TFDP2: variants seen among roughly 807,000 people sequenced by gnomAD.
TFDP2 encodes the protein transcription factor Dp-2.
A neutral mutation model predicts 59.3 loss-of-function variants in TFDP2; 17 were observed. That is an observed-to-expected ratio of 0.29 (90% CI 0.20 to 0.43). TFDP2 has a LOEUF of 0.43. Among genes scored for constraint, TFDP2 ranks in the 20% least tolerant of loss-of-function variants. The pLI, the probability that TFDP2 is intolerant of heterozygous loss-of-function variation, is 1.00. For synonymous variants in TFDP2, 180 were observed against 194.7 expected (o/e 0.92, Z 0.63); for missense variants, 391 against 528.8 (o/e 0.74, Z 2.56).
chr3:142,126,945 CAA>C (rs780512383), intron 1 of TFDP2, among the ~76,000 whole-genome samples: 7 of 55,384 alleles, frequency 1.3e-4, no homozygotes, highest in Non-Finnish European at 1.9e-4. Flanking sequence ...GACCTTGTCT[CAA>C]AAAAAAAAAA....
intron 6 of TFDP2, 86 bp from the exon 7 acceptor site, chr3:141,978,768 G>A: frequency 2.0e-6 from 2 of 1,013,958 alleles, no homozygotes; most frequent in Non-Finnish European, 1.3e-6. Context: ...CAAGAAGACA[G>A]TAATTTAAGT....
At chr3:142,111,406 C>T (rs537455327) in intron 1 of TFDP2, among the ~76,000 whole-genome samples, 3 of 138,492 alleles carry the variant, frequency 2.2e-5, no homozygotes, top group Non-Finnish European at 3.0e-5. Context: ...CCGGCCTGGC[C>T]GACAGAGTTA....
At chr3:142,135,246 T>C (rs2062680663) in intron 1 of TFDP2, among the ~76,000 whole-genome samples, 1 of 152,050 alleles carries the variant, frequency 6.6e-6, no homozygotes, top group African/African-American at 2.4e-5. Context: ...GCTGGGACTA[T>C]AGGCTGTGCC....
intron 3 of TFDP2, among the ~76,000 whole-genome samples, chr3:142,062,401 A>ATATATATATG (rs1452927187): frequency 6.9e-6 from 1 of 144,006 alleles, no homozygotes; most frequent in African/African-American, 2.6e-5. Context: ...TATAATATAT[A>ATATATATATG]TGTGTGTGTG....
At position 141,999,407 on chromosome 3, in the gene TFDP2, C is replaced by T. The variant is rs187202684; in HGVS notation, c.187-4266G>A. Among the ~76,000 whole-genome samples, 160 of 152,234 alleles carry T rather than the reference C, an allele frequency of 1.1e-3. 3 individuals are homozygous for T. The East Asian group carries it at 0.03, about 28-fold the overall frequency. ...GTCAATAATAAGGTATTAATAGTTACATTTTGGGGGAGTCAAAAGCTACCC... is the reference window on the plus strand; with the variant it reads ...GTCAATAATAAGGTATTAATAGTTATATTTTGGGGGAGTCAAAAGCTACCC... On this transcript the variant is annotated intron_variant, in intron 4 of 12. Transcript: ENST00000489671.
chr3:141,997,041 C>G (rs996224138), intron 4 of TFDP2, among the ~76,000 whole-genome samples: 20 of 152,156 alleles, frequency 1.3e-4, no homozygotes, highest in Non-Finnish European at 2.5e-4. Flanking sequence ...TCCAAGTATG[C>G]TTGCACTTCC....
At chr3:142,067,459 A>C (rs575764322) in intron 3 of TFDP2, among the ~76,000 whole-genome samples, 3 of 151,992 alleles carry the variant, frequency 2.0e-5, no homozygotes, top group Non-Finnish European at 4.4e-5. Context: ...AAACTCTGAT[A>C]AAAGAAATCA....
At chr3:142,097,798 T>C (rs2061207148) in intron 2 of TFDP2, among the ~76,000 whole-genome samples, 1 of 152,158 alleles carries the variant, frequency 6.6e-6, no homozygotes, top group African/African-American at 2.4e-5. Context: ...CTCATGTCCA[T>C]AAACCCAGCA....
chr3:142,042,165 T>C (rs1236894478), intron 3 of TFDP2, among the ~76,000 whole-genome samples: 1 of 152,230 alleles, frequency 6.6e-6, no homozygotes, highest in African/African-American at 2.4e-5. Flanking sequence ...TCATTTTTAT[T>C]CTAATTACTA....
chr3:142,073,396 G>T (rs1354737714), intron 3 of TFDP2, among the ~76,000 whole-genome samples: 1 of 129,466 alleles, frequency 7.7e-6, no homozygotes, highest in Non-Finnish European at 1.6e-5. Context: ...AAATGAAAAG[G>T]TTATTAAGAA....
intron 6 of TFDP2, among the ~76,000 whole-genome samples, chr3:141,986,073 C>T (rs996910986): frequency 4.6e-5 from 7 of 152,188 alleles, no homozygotes; most frequent in African/African-American, 1.4e-4. Flanking sequence ...CAAAGAGTAA[C>T]TGTATGACCC....
At chr3:141,987,265 TTGTGTGTGTGTGTGTG>T (rs56988461) in intron 6 of TFDP2, among the ~76,000 whole-genome samples, 3 of 132,814 alleles carry the variant, frequency 2.3e-5, no homozygotes, top group African/African-American at 7.7e-5. Context: ...GCTGTCAGAT[TTGTGTGTGTGTGTGTG>T]TGTGTGTGTG....
At chr3:141,984,648 G>C (rs1021286595) in intron 6 of TFDP2, among the ~76,000 whole-genome samples, 6 of 152,124 alleles carry the variant, frequency 3.9e-5, no homozygotes, top group African/African-American at 9.7e-5. Flanking sequence ...TGATGAAAAA[G>C]TTCTCAAGAT....
chr3:141,951,016 A>G lies in TFDP2; in HGVS notation c.*1497T>C, dbSNP rs1038931900. Reference sequence around the variant, plus strand: ...AAGCTTCCTCCTCCTCACCATGCTCAGTGTTAGCATGGTGGTGAGGCTATA... The same window carrying G: ...AAGCTTCCTCCTCCTCACCATGCTCGGTGTTAGCATGGTGGTGAGGCTATA... On this transcript the variant is annotated 3_prime_UTR_variant, in exon 13 of 13. Transcript: ENST00000489671. 6.6e-6 allele frequency: 1 copy of G among 152,186 alleles called. No individual in the cohort carries two copies. The highest frequency in any genetic ancestry group is 1.5e-5 in the Non-Finnish European group (1 of 68,030). 9.4% of individuals were successfully genotyped at this position (152,186 alleles called of 1,614,324 possible).
intron 1 of TFDP2, among the ~76,000 whole-genome samples, chr3:142,110,344 A>G (rs1190985861): frequency 2.0e-5 from 3 of 152,114 alleles, no homozygotes; most frequent in African/African-American, 7.2e-5. Context: ...TCTCTACTAA[A>G]AATACAAAAA....
intron 4 of TFDP2, among the ~76,000 whole-genome samples, chr3:142,002,737 CA>C (rs1159398072): frequency 1.3e-5 from 2 of 152,156 alleles, no homozygotes; most frequent in Non-Finnish European, 2.9e-5. Flanking sequence ...TATCCAGTTC[CA>C]AAGCCACTTC....
At chr3:142,034,622 T>C (rs1477034899) in intron 3 of TFDP2, among the ~76,000 whole-genome samples, 51 of 152,128 alleles carry the variant, frequency 3.4e-4, no homozygotes, top group Non-Finnish European at 2.9e-5. Flanking sequence ...ATAAATCTAA[T>C]AATGTGTGCT....
chr3:141,972,933 A>G (rs1349040302), intron 8 of TFDP2, among the ~76,000 whole-genome samples: 1 of 151,820 alleles, frequency 6.6e-6, no homozygotes, highest in East Asian at 1.9e-4. Context: ...GAAAAGGAGG[A>G]TATTTCCACT....
chr3:141,989,810 G>C (rs769965792), intron 6 of TFDP2, among the ~76,000 whole-genome samples: 3 of 151,724 alleles, frequency 2.0e-5, no homozygotes, highest in South Asian at 4.2e-4. Flanking sequence ...AATAACACTA[G>C]CTTTCATTTT....
Sources: gnomAD v4.1 joint callset for allele counts (sites outside exome capture counted in the v4.1 genomes callset) on GRCh38, gnomAD v4.1.1 for gene constraint, MANE v1.5 for transcripts, NCBI Gene and HGNC (gene_info 2026-07-23, HGNC 2026-07-21) for gene names.